The following MECOM variants were observed in gnomAD, a reference collection of about 807,000 sequenced individuals.
The protein encoded by MECOM is MDS1 and EVI1 complex locus, also known as histone-lysine N-methyltransferase MECOM.
MECOM carries 13 observed loss-of-function variants against 116.3 expected under a neutral mutation model. The ratio of observed to expected loss-of-function variants is 0.11; its 90% CI spans 0.07 to 0.18. MECOM has a LOEUF of 0.18. Among genes scored for constraint, MECOM ranks in the 10% least tolerant of loss-of-function variants. The pLI, the probability that MECOM is intolerant of heterozygous loss-of-function variation, is 1.00. For missense variants in MECOM, 1,299 were observed against 1,509.0 expected, an observed-to-expected ratio of 0.86 and a Z score of 2.31; for synonymous variants, 528 against 535.2, an observed-to-expected ratio of 0.99 and a Z score of 0.19.
intron 1 of MECOM, among the ~76,000 whole-genome samples, chr3:169,458,564 A>G (rs1204375723): frequency 6.6e-6 from 1 of 152,176 alleles, no homozygotes; most frequent in African/African-American, 2.4e-5. Flanking sequence ...ATTCCGAACC[A>G]TTTATGCAAC....
At chr3:169,303,475 C>T (rs536838426) in intron 2 of MECOM, among the ~76,000 whole-genome samples, 2 of 152,140 alleles carry the variant, frequency 1.3e-5, no homozygotes, top group Admixed American at 6.5e-5. Context: ...TCATAACAGA[C>T]GTTGCAATAT....
intron 1 of MECOM, among the ~76,000 whole-genome samples, chr3:169,468,329 T>G (rs564446438): frequency 2.0e-5 from 3 of 152,296 alleles, no homozygotes; most frequent in African/African-American, 7.2e-5. Flanking sequence ...CAAGATCTGC[T>G]CCACTGGTCT....
At chr3:169,576,491 G>A (rs766745237) in intron 1 of MECOM, among the ~76,000 whole-genome samples, 3 of 152,108 alleles carry the variant, frequency 2.0e-5, no homozygotes, top group Admixed American at 1.3e-4. Context: ...TTCAGCCAGC[G>A]TAAGGAAGGT....
chr3:169,223,528 T>C (rs190614022), intron 2 of MECOM, among the ~76,000 whole-genome samples: 2 of 152,020 alleles, frequency 1.3e-5, no homozygotes, highest in African/African-American at 4.8e-5. Flanking sequence ...GGTTTGAAGA[T>C]AAAGTAACTT....
At chr3:169,168,882 T>G (rs1211378509) in intron 2 of MECOM, among the ~76,000 whole-genome samples, 2 of 151,834 alleles carry the variant, frequency 1.3e-5, no homozygotes, top group Non-Finnish European at 2.9e-5. Context: ...TAATTTAGAA[T>G]AGGTTATTAT....
chr3:169,184,186 A>G (rs1746418159), intron 2 of MECOM, among the ~76,000 whole-genome samples: 1 of 152,092 alleles, frequency 6.6e-6, no homozygotes, highest in Admixed American at 6.6e-5. Context: ...GATATTTATG[A>G]TGAATGTCTT....
At chr3:169,126,937 T>C (rs1317985127) in intron 5 of MECOM, among the ~76,000 whole-genome samples, 1 of 152,136 alleles carries the variant, frequency 6.6e-6, no homozygotes, top group African/African-American at 2.4e-5. Context: ...TATACTACCA[T>C]TCCCATTTAA....
At chr3:169,349,814 G>C (rs1463815297) in intron 2 of MECOM, among the ~76,000 whole-genome samples, 1 of 151,698 alleles carries the variant, frequency 6.6e-6, no homozygotes, top group Non-Finnish European at 1.5e-5. Context: ...ATGAGACAGG[G>C]ACTCAGTCAT....
chr3:169,595,502 G>A (rs569137386), intron 1 of MECOM, among the ~76,000 whole-genome samples: 1 of 152,092 alleles, frequency 6.6e-6, no homozygotes, highest in Non-Finnish European at 1.5e-5. Flanking sequence ...TCAAAAACTT[G>A]CAGAATTTCA....
chr3:169,174,164 A>G (rs1237555821), intron 2 of MECOM, among the ~76,000 whole-genome samples: 2 of 152,222 alleles, frequency 1.3e-5, no homozygotes, highest in African/African-American at 2.4e-5. Flanking sequence ...CAGTTTCACA[A>G]TTGGAAGTCT....
chr3:169,499,639 A>G lies in MECOM; in HGVS notation c.38-118115T>C, dbSNP rs550168969. Among the ~76,000 whole-genome samples the G allele has an allele frequency of 1.2e-4, 18 of 152,112 alleles. No individual in the cohort carries two copies. The East Asian group carries it at 3.1e-3, about 26-fold the overall frequency. On this transcript the variant is annotated intron_variant, in intron 1 of 16. Coordinates refer to ENST00000651503, the MANE Select transcript of MECOM (RefSeq NM_004991.4). Reference sequence around the variant, plus strand: ...GGGGGAAAAAAAAAGAATGGGATGCAAGGAAAAACAGGGACCAAATAAGTC... The same window carrying G: ...GGGGGAAAAAAAAAGAATGGGATGCGAGGAAAAACAGGGACCAAATAAGTC...
chr3:169,658,609 A>G (rs943664905), intron 1 of MECOM, among the ~76,000 whole-genome samples: 7 of 152,180 alleles, frequency 4.6e-5, no homozygotes, highest in African/African-American at 1.7e-4. Flanking sequence ...CAGCCTGAGG[A>G]GCGAGGTGTA....
chr3:169,585,895 T>C (rs1046102615), intron 1 of MECOM, among the ~76,000 whole-genome samples: 3 of 152,176 alleles, frequency 2.0e-5, no homozygotes, highest in African/African-American at 4.8e-5. Flanking sequence ...CAGAAAAAAA[T>C]GTTAAGAACA....
At chr3:169,461,888 A>T (rs1268340633) in intron 1 of MECOM, among the ~76,000 whole-genome samples, 1 of 152,168 alleles carries the variant, frequency 6.6e-6, no homozygotes, top group Admixed American at 6.6e-5. Context: ...AGATGGTTTC[A>T]TGCCATGCTT....
At chr3:169,201,256 GATGTGT>G (rs1013385459) in intron 2 of MECOM, among the ~76,000 whole-genome samples, 2 of 47,952 alleles carry the variant, frequency 4.2e-5, no homozygotes, top group Non-Finnish European at 8.7e-5. Flanking sequence ...TTTTAGACAA[GATGTGT>G]GTGTGTGTGT....
At chr3:169,149,951 G>C (rs987224464) in intron 2 of MECOM, among the ~76,000 whole-genome samples, 4 of 149,288 alleles carry the variant, frequency 2.7e-5, no homozygotes, top group East Asian at 3.9e-4. Context: ...GTGTGTGTGT[G>C]TGTGTGTGTG....
intron 1 of MECOM, among the ~76,000 whole-genome samples, chr3:169,609,498 A>G (rs1361312457): frequency 1.3e-5 from 2 of 151,704 alleles, no homozygotes; most frequent in Non-Finnish European, 2.9e-5. Flanking sequence ...AACATAGCCC[A>G]ATTTCCAAAT....
At chr3:169,123,303 ATGTGTGTGTG>A (rs34615103) in intron 5 of MECOM, among the ~76,000 whole-genome samples, 1 of 147,506 alleles carries the variant, frequency 6.8e-6, no homozygotes, top group Admixed American at 6.8e-5. Context: ...ATATGCATGG[ATGTGTGTGTG>A]TGTGTGTGTG....
At chr3:169,202,851 A>G (rs966529754) in intron 2 of MECOM, among the ~76,000 whole-genome samples, 1 of 151,156 alleles carries the variant, frequency 6.6e-6, no homozygotes, top group Non-Finnish European at 1.5e-5. Flanking sequence ...AGAGTTAACA[A>G]TTAAGTCCAA....
Sources: gnomAD v4.1 joint callset for allele counts (sites outside exome capture counted in the v4.1 genomes callset) on GRCh38, gnomAD v4.1.1 for gene constraint, MANE v1.5 for transcripts, NCBI Gene and HGNC (gene_info 2026-07-23, HGNC 2026-07-21) for gene names.